Variants in RACGAP1 observed in about 807,000 individuals in gnomAD.
RACGAP1 encodes the protein rac GTPase-activating protein 1.
RACGAP1 carries 30 observed loss-of-function variants against 78.1 expected under a neutral mutation model. The ratio of observed to expected loss-of-function variants is 0.38; its 90% CI spans 0.29 to 0.52. The LOEUF (loss-of-function observed/expected upper bound fraction) is 0.52. RACGAP1 is among the 20% of genes least tolerant of loss of function. RACGAP1 has a pLI of 0.82. For missense variants in RACGAP1, 587 were observed against 777.1 expected (o/e 0.76, Z 2.91); for synonymous variants, 231 against 264.8 (o/e 0.87, Z 1.24).
chr12:50,014,914 A>G (rs1203404247), intron 2 of RACGAP1, among the ~76,000 whole-genome samples: 1 of 151,748 alleles, frequency 6.6e-6, no homozygotes, highest in Non-Finnish European at 1.5e-5. Flanking sequence ...GTGGTGGCGG[A>G]CACTTATAAT....
upstream of RACGAP1, among the ~76,000 whole-genome samples, chr12:50,029,727 A>G (rs1950314417): frequency 6.6e-6 from 1 of 151,610 alleles, no homozygotes; most frequent in South Asian, 2.1e-4. Context: ...CCCCATCTCT[A>G]CTAAAAATAC....
intron 2 of RACGAP1, 64 bp from the exon 3 acceptor site, chr12:50,006,700 G>C: frequency 6.9e-7 from 1 of 1,458,782 alleles, no homozygotes; most frequent in Non-Finnish European, 9.4e-7. Context: ...TCTAATAAAT[G>C]AGTCCTACGG....
intron 5 of RACGAP1, among the ~76,000 whole-genome samples, 164 bp downstream of exon 5, chr12:50,004,071 A>C (rs542724392): frequency 6.6e-6 from 1 of 152,352 alleles, no homozygotes; most frequent in South Asian, 2.1e-4. Context: ...CCAGCCTCTT[A>C]TAGCTCATGT....
intron 1 of RACGAP1, among the ~76,000 whole-genome samples, chr12:50,019,438 G>A (rs573383943): frequency 2.6e-5 from 4 of 152,214 alleles, no homozygotes; most frequent in African/African-American, 9.6e-5. Flanking sequence ...ATTGATAAGT[G>A]TTAATTCAGA....
chr12:50,020,596 T>C (rs1435750594), intron 1 of RACGAP1, among the ~76,000 whole-genome samples: 1 of 152,182 alleles, frequency 6.6e-6, no homozygotes, highest in Non-Finnish European at 1.5e-5. Context: ...GTCCAAAATC[T>C]ATATTCTCTC....
At chr12:50,028,298 A>G (rs1397903361), upstream of RACGAP1, among the ~76,000 whole-genome samples, 1 of 152,124 alleles carries the variant, frequency 6.6e-6, no homozygotes, top group Non-Finnish European at 1.5e-5. Context: ...AGAATGCCTC[A>G]GCTTTCTCTC....
intron 10 of RACGAP1, among the ~76,000 whole-genome samples, chr12:49,996,163 A>C (rs1366696652): frequency 1.3e-5 from 2 of 151,594 alleles, no homozygotes; most frequent in Admixed American, 6.6e-5. Flanking sequence ...AATACAAAAA[A>C]ATTAGTTGAG....
intron 2 of RACGAP1, 73 bp from the exon 3 acceptor site, chr12:50,006,709 G>A (rs1413542191): frequency 6.3e-6 from 9 of 1,419,946 alleles, no homozygotes; most frequent in African/African-American, 1.4e-5. Flanking sequence ...TGAGTCCTAC[G>A]GTTAGCTTTA....
In RACGAP1 at chr12:50,006,386, T is replaced by C. The variant is rs181092678; in HGVS notation, c.288+48A>G. The C allele has an allele frequency of 1.3e-5, 20 of 1,597,040 alleles. No individual in the cohort carries two copies. In the Admixed American group the frequency reaches 3.0e-4, roughly 24 times the overall value. ...CAAGTGGAAACTGTCAGACAATGCC[T>C]TCCCCCTCCTGCATCATCACTGTTC... On this transcript the variant is annotated intron_variant, in intron 3 of 16. Coordinates refer to ENST00000312377, the MANE Select transcript of RACGAP1 (RefSeq NM_001319999.2).
At position 49,993,978 on chromosome 12, in the gene RACGAP1, G is replaced by T. The variant is rs143961817; in HGVS notation, c.1339+153C>A. On this transcript the variant is annotated intron_variant, in intron 12 of 16. Coordinates refer to ENST00000312377, the MANE Select transcript of RACGAP1 (RefSeq NM_001319999.2). ...GAGAATCGCTTCAACCTGGGAGACGGAGGTTGCAGTGAGCTGAGATTGCGC... is the reference window on the plus strand; with the variant it reads ...GAGAATCGCTTCAACCTGGGAGACGTAGGTTGCAGTGAGCTGAGATTGCGC... Among the ~76,000 whole-genome samples the T allele has an allele frequency of 2.0e-3, 310 of 152,318 alleles. 1 individual carries two copies. The highest frequency in any genetic ancestry group is 6.5e-3 in the African/African-American group (272 of 41,570).
intron 9 of RACGAP1, among the ~76,000 whole-genome samples, chr12:49,997,820 T>C (rs987731718): frequency 6.7e-6 from 1 of 149,320 alleles, no homozygotes; most frequent in Non-Finnish European, 1.5e-5. Flanking sequence ...TCAGGTGATC[T>C]GCCTGCGTCA....
intron 15 of RACGAP1, among the ~76,000 whole-genome samples, chr12:49,991,312 C>CTA (rs1402582633): frequency 1.3e-5 from 2 of 150,980 alleles, no homozygotes; most frequent in Non-Finnish European, 2.9e-5. Flanking sequence ...GCTATATTGA[C>CTA]TATAGCATTA....
At chr12:50,019,875 T>C (rs1188099773) in intron 1 of RACGAP1, 1 of 152,104 alleles carries the variant, frequency 6.6e-6, no homozygotes, top group Non-Finnish European at 1.5e-5. Flanking sequence ...TTAAAATGTA[T>C]AAGTTTACAA....
Position 49,999,084 on chromosome 12 carries a change from GTATT to G in RACGAP1, c.879+53_879+56del, listed in dbSNP as rs967133160. The G allele has an allele frequency of 1.5e-5, 23 of 1,518,054 alleles. No homozygotes were observed. The African/African-American group carries it at 2.9e-4, about 19-fold the overall frequency. 94.0% of individuals were successfully genotyped at this position (1,518,054 alleles called of 1,614,324 possible). On this transcript the variant is annotated intron_variant, in intron 9 of 16. Transcript: ENST00000312377. ...ACTAAAGTATTTAACTTTATTCCTG[GTATT>G]TATTACTTTCACAATTAAAAAATTA...
At position 50,031,790 on chromosome 12, in the gene RACGAP1, G is replaced by C. The variant is rs1423582865; in HGVS notation, c.-117C>G. On this transcript the variant is annotated 5_prime_UTR_variant, in exon 2 of 4. Transcript: ENST00000548247. ...TGTGTTCTCTCCCTTTCATACTCCT[G>C]ATTTGTTTAGGCTTCCTGGTTCTTC... 2.5e-5 allele frequency: 25 copies of C among 982,510 alleles called. No individual in the cohort carries two copies. In the East Asian group the frequency reaches 2.6e-3, roughly 103 times the overall value. 60.9% of individuals were successfully genotyped at this position (982,510 alleles called of 1,614,324 possible). A position where few individuals can be genotyped will look rare whatever the true frequency, so the allele number is the denominator to read the frequency against.
At chr12:50,011,001 A>G (rs1053138965) in intron 2 of RACGAP1, among the ~76,000 whole-genome samples, 1 of 151,920 alleles carries the variant, frequency 6.6e-6, no homozygotes, top group Non-Finnish European at 1.5e-5. Context: ...AAGAGTAAGG[A>G]GTCAAGGGAT....
intron 9 of RACGAP1, 101 bp downstream of exon 9, chr12:49,999,040 T>C (rs1462057317): frequency 1.5e-6 from 2 of 1,342,038 alleles, no homozygotes; most frequent in Non-Finnish European, 2.0e-6. Context: ...GAAGGAAATT[T>C]GACATTTAAC....
Position 50,000,382 on chromosome 12 carries a change from C to T in RACGAP1, c.631-649G>A, listed in dbSNP as rs1260599029. On this transcript the variant is annotated intron_variant, in intron 7 of 16. Transcript: ENST00000312377. ...GACCAGGCTGGTCTCGAACTCCTGA[C>T]CTCAGGTGATCATCCACCTGCCTAG... 3.3e-5 allele frequency among the ~76,000 whole-genome samples: 5 copies of T among 152,058 alleles called. No homozygotes were observed. The South Asian group carries it at 1.0e-3, about 32-fold the overall frequency.
At chr12:50,014,207 G>A (rs1039489176) in intron 2 of RACGAP1, among the ~76,000 whole-genome samples, 3 of 152,216 alleles carry the variant, frequency 2.0e-5, no homozygotes, top group Non-Finnish European at 2.9e-5. Context: ...TGACTTGAGA[G>A]CAACATTTAC....
Sources: allele counts gnomAD v4.1 joint callset (sites outside exome capture counted in the v4.1 genomes callset), GRCh38; gene constraint gnomAD v4.1.1; transcripts MANE v1.5; gene names NCBI Gene and HGNC (gene_info 2026-07-23, HGNC 2026-07-21).